SPNS3: variants seen among roughly 807,000 people sequenced by gnomAD.
The protein encoded by SPNS3 is protein spinster homolog 3.
SPNS3 carries 51 observed loss-of-function variants against 54.4 expected under a neutral mutation model. The ratio of observed to expected loss-of-function variants is 0.94; its 90% confidence interval spans 0.75 to 1.18. SPNS3 has a LOEUF of 1.18. Ranked by LOEUF, SPNS3 falls within the 50% of genes most tolerant of loss-of-function variation. The pLI is 0.00. For missense variants in SPNS3, 669 were observed against 677.4 expected (o/e 0.99, Z 0.14); for synonymous variants, 309 against 294.7 (o/e 1.05, Z -0.50).
At chr17:4,455,112 C>G (rs189998355) in intron 8 of SPNS3, among the ~76,000 whole-genome samples, 170 of 152,236 alleles carry the variant, frequency 1.1e-3, no homozygotes, top group Non-Finnish European at 6.0e-4. Context: ...TGGGGTTTCG[C>G]CACATTGGCC....
intron 1 of SPNS3, among the ~76,000 whole-genome samples, chr17:4,436,148 A>T (rs2143967145): frequency 6.6e-6 from 1 of 152,286 alleles, no homozygotes; most frequent in Non-Finnish European, 1.5e-5. Context: ...CAGTCCTGCG[A>T]GGCGGAGAGG....
Position 4,449,401 on chromosome 17 carries a change from G to A in SPNS3, c.923+14G>A. ...CAACCCCGACAGGTGAGGGCATCCG[G>A]GGGCCCTGGGCACCTGGCCCGGCTC... On this transcript the variant is annotated intron_variant, in intron 7 of 11. Coordinates refer to ENST00000355530, the MANE Select transcript of SPNS3 (RefSeq NM_182538.5). 6.4e-7 allele frequency: 1 copy of A among 1,569,576 alleles called. No homozygotes were observed. The highest frequency in any genetic ancestry group is 1.2e-5 in the South Asian group (1 of 86,164).
intron 5 of SPNS3, 50 bp from the exon 6 acceptor site, chr17:4,448,105 G>A: frequency 2.0e-6 from 3 of 1,519,078 alleles, no homozygotes; most frequent in Non-Finnish European, 2.6e-6. Context: ...GGGGTCCCTT[G>A]GGCTGTGATA....
chr17:4,470,588 C>T (rs951838310), intron 8 of SPNS3, among the ~76,000 whole-genome samples: 1 of 152,116 alleles, frequency 6.6e-6, no homozygotes, highest in Non-Finnish European at 1.5e-5. Flanking sequence ...TTAGCAGTCA[C>T]CCCCATTTCC....
At chr17:4,447,211 T>C (rs1971021761) in intron 5 of SPNS3, among the ~76,000 whole-genome samples, 1 of 152,206 alleles carries the variant, frequency 6.6e-6, no homozygotes, top group Non-Finnish European at 1.5e-5. Flanking sequence ...GATCACCTTC[T>C]TCTTCAGAGC....
At position 4,483,189 on chromosome 17, in the gene SPNS3, T is replaced by C. The variant is rs999138986; in HGVS notation, c.1180-3039T>C. Among the ~76,000 whole-genome samples, 1 of 152,204 alleles carries C rather than the reference T, an allele frequency of 6.6e-6. No homozygotes were observed. The highest frequency in any genetic ancestry group is 1.5e-5 in the Non-Finnish European group (1 of 68,032). ...GTGGGGGTGCAGGAGGCAGGCTGCCTGGTGGCTGCTGCTCCGACTTGCTGC... is the reference window on the plus strand; with the variant it reads ...GTGGGGGTGCAGGAGGCAGGCTGCCCGGTGGCTGCTGCTCCGACTTGCTGC... On this transcript the variant is annotated intron_variant, in intron 9 of 11. Coordinates refer to ENST00000355530, the MANE Select transcript of SPNS3 (RefSeq NM_182538.5). This position sits in a 1 kb window ranked among gnomAD's most constrained non-coding sequence, Gnocchi z 4.2.
At chr17:4,468,759 T>TTCTTTCTTTCTTTCTTTCTTTCTC in intron 8 of SPNS3, among the ~76,000 whole-genome samples, 1 of 143,776 alleles carries the variant, frequency 7.0e-6, no homozygotes, top group South Asian at 2.1e-4. Flanking sequence ...CTTTCTTTCT[T>TTCTTTCTTTCTTTCTTTCTTTCTC]TCTCTCTTTC....
At chr17:4,443,285 G>T (rs563870869) in intron 2 of SPNS3, among the ~76,000 whole-genome samples, 2 of 152,128 alleles carry the variant, frequency 1.3e-5, no homozygotes, top group African/African-American at 4.8e-5. Flanking sequence ...TGGCCCGGCT[G>T]GTCTCGAACT....
intron 2 of SPNS3, among the ~76,000 whole-genome samples, chr17:4,444,817 T>G (rs1349320506): frequency 6.6e-6 from 1 of 152,130 alleles, no homozygotes; most frequent in African/African-American, 2.4e-5. Flanking sequence ...GGCTTTGGGT[T>G]TGGGGCCAGA....
Position 4,488,095 on chromosome 17 carries a change from T to TG in SPNS3, c.*202dup. On this transcript the variant is annotated 3_prime_UTR_variant, in exon 12 of 12. Transcript: ENST00000355530. ...GCACTCTGCGTGGGAGGCCTGGGCC[T>TG]GTGCCTGCATCCCGCTCAAGGCTGC... The TG allele has an allele frequency of 1.7e-6, 1 of 590,382 alleles. No individual in the cohort carries two copies. Among genetic ancestry groups the TG allele is most frequent in the Non-Finnish European group, 3.0e-6 (1 of 332,700 alleles). 36.6% of individuals were successfully genotyped at this position (590,382 alleles called of 1,614,324 possible).
At chr17:4,469,816 G>A (rs1017496785) in intron 8 of SPNS3, among the ~76,000 whole-genome samples, 2 of 152,054 alleles carry the variant, frequency 1.3e-5, no homozygotes, top group African/African-American at 2.4e-5. Context: ...GTGAGGTCAA[G>A]GGTGGGACCA....
intron 8 of SPNS3, among the ~76,000 whole-genome samples, chr17:4,461,452 G>A (rs1971505377): frequency 7.7e-6 from 1 of 129,716 alleles, no homozygotes; most frequent in Non-Finnish European, 1.6e-5. Flanking sequence ...TCCTGCCTCA[G>A]CCTCCCCAGG....
chr17:4,452,954 G>GA, intron 7 of SPNS3, 62 bp from the exon 8 acceptor site: 1 of 1,514,876 alleles, frequency 6.6e-7, no homozygotes, highest in Non-Finnish European at 9.0e-7. Context: ...CTGGGAGCAG[G>GA]ATAAGAGTCC....
At chr17:4,455,529 A>G (rs1337356580) in intron 8 of SPNS3, among the ~76,000 whole-genome samples, 1 of 152,106 alleles carries the variant, frequency 6.6e-6, no homozygotes, top group Non-Finnish European at 1.5e-5. Flanking sequence ...CAATTCCTTG[A>G]TGCAAGGGTT....
rs80015691 is a variant in SPNS3 at position 4,486,033 on chromosome 17, C to G, written c.1180-195C>G. 802 of 486,616 alleles carry G rather than the reference C, an allele frequency of 1.6e-3. 5 individuals carry two copies. Among genetic ancestry groups the G allele is most frequent in the African/African-American group, 0.014 (707 of 49,796 alleles). The allele number at this position is 486,616 out of a possible 1,614,324, so 30.1% of individuals were successfully genotyped here. ...GCCTTGGCACCCCCATCCTGGGGCA[C>G]TGGGGAAGCTTCAGATGGGCTTGAT... On this transcript the variant is annotated intron_variant, in intron 9 of 11. Coordinates refer to ENST00000355530, the MANE Select transcript of SPNS3 (RefSeq NM_182538.5). This position sits in a 1 kb window ranked among gnomAD's most constrained non-coding sequence, Gnocchi z 5.5.
chr17:4,446,725 C>T, intron 4 of SPNS3, 171 bp from the exon 5 acceptor site: 2 of 646,488 alleles, frequency 3.1e-6, no homozygotes, highest in Non-Finnish European at 2.8e-6. Context: ...TGACCGAGGG[C>T]AGTGGACATC....
At chr17:4,446,312 G>A (rs1469318196) in intron 4 of SPNS3, 113 bp downstream of exon 4, 1 of 1,175,988 alleles carries the variant, frequency 8.5e-7, no homozygotes, top group Non-Finnish European at 1.2e-6. Context: ...TGGGATTTGA[G>A]TCCCAATGCT....
In SPNS3 at chr17:4,482,827, C is replaced by A. The variant is rs577155545; in HGVS notation, c.1180-3401C>A. Among the ~76,000 whole-genome samples, 22 of 152,338 alleles carry A rather than the reference C, an allele frequency of 1.4e-4. No homozygotes were observed. The South Asian group carries it at 3.7e-3, about 26-fold the overall frequency. ...CTCAGGATGGCCCAGAGCCAGCTCA[C>A]CCCAATCCCCCTCCAGGCAGGGGAC... On this transcript the variant is annotated intron_variant, in intron 9 of 11. Transcript: ENST00000355530.
At chr17:4,460,261 C>T (rs1346228651) in intron 8 of SPNS3, among the ~76,000 whole-genome samples, 1 of 152,134 alleles carries the variant, frequency 6.6e-6, no homozygotes, top group African/African-American at 2.4e-5. Flanking sequence ...AGAAGTGAGA[C>T]ATCTGGCTTT....
Sources: allele counts gnomAD v4.1 joint callset (sites outside exome capture counted in the v4.1 genomes callset), GRCh38; gene constraint gnomAD v4.1.1; non-coding constraint Gnocchi (gnomAD v3.1); transcripts MANE v1.5; gene names NCBI Gene and HGNC (gene_info 2026-07-23, HGNC 2026-07-21).